The following BRINP3 variants were observed in gnomAD, a reference collection of about 807,000 sequenced individuals.
BRINP3 encodes BMP/retinoic acid inducible neural specific 3, also known as BMP/retinoic acid-inducible neural-specific protein 3.
In BRINP3, 19 loss-of-function variants were observed where a neutral mutation model predicts 71.0. The observed-to-expected ratio is 0.27, with a 90% confidence interval of 0.19 to 0.39. The LOEUF (loss-of-function observed/expected upper bound fraction) is 0.39, where lower values mean the gene tolerates loss of function less well. BRINP3 is among the 10% of genes least tolerant of loss of function. The probability of loss-of-function intolerance (pLI) is 1.00; values close to 1 mark genes in which losing one functional copy is unlikely to be tolerated. For missense variants in BRINP3, 959 were observed against 940.8 expected (o/e 1.02, Z -0.25); for synonymous variants, 380 against 337.7 (o/e 1.13, Z -1.37).
chr1:190,260,613 C>T (rs1332035916), intron 4 of BRINP3, among the ~76,000 whole-genome samples: 1 of 151,554 alleles, frequency 6.6e-6, no homozygotes, highest in Non-Finnish European at 1.5e-5. Context: ...TGATTTTGCC[C>T]CCAAATAACA....
At chr1:190,320,486 C>A (rs965037113) in intron 2 of BRINP3, among the ~76,000 whole-genome samples, 1 of 152,056 alleles carries the variant, frequency 6.6e-6, no homozygotes, top group African/African-American at 2.4e-5. Context: ...GTATAATTAT[C>A]GTATACTTCA....
chr1:190,196,014 C>T (rs1351905978), intron 6 of BRINP3, among the ~76,000 whole-genome samples: 1 of 152,090 alleles, frequency 6.6e-6, no homozygotes, highest in Non-Finnish European at 1.5e-5. Flanking sequence ...ATGTTGTAAG[C>T]ATGAGCTTTT....
chr1:190,381,154 T>C (rs1670524215), intron 2 of BRINP3, among the ~76,000 whole-genome samples: 1 of 152,164 alleles, frequency 6.6e-6, no homozygotes, highest in Non-Finnish European at 1.5e-5. Flanking sequence ...ATGCACCCAT[T>C]ATAAAAGCAG....
At chr1:190,463,609 A>C (rs1418400920) in intron 1 of BRINP3, among the ~76,000 whole-genome samples, 1 of 151,878 alleles carries the variant, frequency 6.6e-6, no homozygotes, top group Non-Finnish European at 1.5e-5. Flanking sequence ...ATGTGTAAAA[A>C]CACAGATTTT....
chr1:190,188,308 A>C (rs1653721107), intron 6 of BRINP3, among the ~76,000 whole-genome samples: 1 of 152,150 alleles, frequency 6.6e-6, no homozygotes, highest in Admixed American at 6.5e-5. Context: ...TGTTGTCTGC[A>C]AATAGGGACA....
At chr1:190,286,733 T>C (rs1269019286) in intron 2 of BRINP3, among the ~76,000 whole-genome samples, 2 of 152,054 alleles carry the variant, frequency 1.3e-5, no homozygotes, top group Non-Finnish European at 2.9e-5. Context: ...AAAATAAATA[T>C]ATTACCTAAG....
intron 4 of BRINP3, among the ~76,000 whole-genome samples, 185 bp downstream of exon 4, chr1:190,264,677 ATAT>A (rs1661496366): frequency 6.6e-6 from 1 of 152,196 alleles, no homozygotes; most frequent in African/African-American, 2.4e-5. Flanking sequence ...TATCAAGTAA[ATAT>A]TATATTGAAA....
At chr1:190,124,850 T>C (rs972113345) in intron 7 of BRINP3, among the ~76,000 whole-genome samples, 1 of 152,044 alleles carries the variant, frequency 6.6e-6, no homozygotes, top group Non-Finnish European at 1.5e-5. Flanking sequence ...AAAATTAGTG[T>C]TTATATTTAC....
intron 2 of BRINP3, among the ~76,000 whole-genome samples, chr1:190,439,845 C>T (rs1572047131): frequency 6.6e-6 from 1 of 151,822 alleles, no homozygotes; most frequent in Non-Finnish European, 1.5e-5. Flanking sequence ...AAAAACAGGA[C>T]TCAAGCTATA....
At chr1:190,235,380 A>G (rs901785370) in intron 4 of BRINP3, among the ~76,000 whole-genome samples, 2 of 152,204 alleles carry the variant, frequency 1.3e-5, no homozygotes, top group Middle Eastern at 3.4e-3. Flanking sequence ...AAAACTATTT[A>G]AAGCAGAGCA....
chr1:190,447,366 T>C (rs1675293126), intron 2 of BRINP3, among the ~76,000 whole-genome samples: 1 of 147,386 alleles, frequency 6.8e-6, no homozygotes, highest in South Asian at 2.1e-4. Context: ...TATATATATA[T>C]TTGTGAATAG....
intron 6 of BRINP3, among the ~76,000 whole-genome samples, chr1:190,222,548 C>T (rs1299241057): frequency 1.3e-5 from 2 of 151,588 alleles, no homozygotes; most frequent in East Asian, 3.9e-4. Context: ...ATAAAAATCA[C>T]AGCAGATATG....
At chr1:190,212,286 A>C (rs910923852) in intron 6 of BRINP3, among the ~76,000 whole-genome samples, 11 of 152,144 alleles carry the variant, frequency 7.2e-5, no homozygotes, top group African/African-American at 2.7e-4. Flanking sequence ...CAAATGAAGT[A>C]GCCAAAATTT....
At chr1:190,305,400 A>C (rs1410356061) in intron 2 of BRINP3, among the ~76,000 whole-genome samples, 1 of 151,870 alleles carries the variant, frequency 6.6e-6, no homozygotes, top group Non-Finnish European at 1.5e-5. Flanking sequence ...GCATTTATAC[A>C]CAGTAGAATA....
intron 4 of BRINP3, among the ~76,000 whole-genome samples, chr1:190,264,135 A>G (rs1335882722): frequency 1.3e-5 from 2 of 152,182 alleles, no homozygotes. Flanking sequence ...GCCAGAGAAT[A>G]TGTCTAAAAC....
intron 6 of BRINP3, among the ~76,000 whole-genome samples, chr1:190,212,714 C>T (rs1656090082): frequency 6.6e-6 from 1 of 152,044 alleles, no homozygotes; most frequent in Non-Finnish European, 1.5e-5. Flanking sequence ...TAGCTAGACA[C>T]ACATTACATA....
At chr1:190,193,208 G>A (rs1041506991) in intron 6 of BRINP3, among the ~76,000 whole-genome samples, 1 of 152,070 alleles carries the variant, frequency 6.6e-6, no homozygotes, top group Non-Finnish European at 1.5e-5. Flanking sequence ...TCAATATGGA[G>A]GAAGAAATGA....
chr1:190,356,338 T>C (rs1000218932), intron 2 of BRINP3, among the ~76,000 whole-genome samples: 2 of 151,916 alleles, frequency 1.3e-5, no homozygotes, highest in Non-Finnish European at 2.9e-5. Context: ...ATAGTGTCAT[T>C]TTTTTCCTAT....
In BRINP3 at chr1:190,331,218, AAAAAT is replaced by A. The variant is rs1288281467; in HGVS notation, c.237-49473_237-49469del. Among the ~76,000 whole-genome samples the A allele has an allele frequency of 5.3e-5, 8 of 152,046 alleles. 1 individual carries two copies. The highest frequency in any genetic ancestry group is 1.9e-4 in the African/African-American group (8 of 41,426). On this transcript the variant is annotated intron_variant, in intron 2 of 7. Coordinates refer to ENST00000367462, the MANE Select transcript of BRINP3 (RefSeq NM_199051.3). ...CATTCTATAGCCTATTAAGTTTTGA[AAAAAT>A]AAAATAAAATATTTAAAAGATATGT... is the stretch of plus-strand genomic sequence containing the variant.
Sources: allele counts gnomAD v4.1 joint callset (sites outside exome capture counted in the v4.1 genomes callset), GRCh38; gene constraint gnomAD v4.1.1; transcripts MANE v1.5; gene names NCBI Gene and HGNC (gene_info 2026-07-23, HGNC 2026-07-21).